SUSD1: variants seen among roughly 807,000 people sequenced by gnomAD.
SUSD1 encodes sushi domain containing 1, also known as sushi domain-containing protein 1.
In SUSD1, 65 loss-of-function variants were observed where a neutral mutation model predicts 86.9. The observed-to-expected ratio is 0.75, with a 90% CI of 0.61 to 0.92. SUSD1 has a LOEUF of 0.92. Among genes scored for constraint, SUSD1 ranks in the 40% least tolerant of loss-of-function variants. SUSD1 has a pLI of 0.00. For synonymous variants in SUSD1, 346 were observed against 350.0 expected (o/e 0.99, Z 0.13); for missense variants, 850 against 929.7 (o/e 0.91, Z 1.11).
chr9:112,137,426 CAGATGATGGCTAATTTTCA>C (rs1832313140), intron 5 of SUSD1, among the ~76,000 whole-genome samples: 1 of 152,162 alleles, frequency 6.6e-6, no homozygotes, highest in Non-Finnish European at 1.5e-5. Flanking sequence ...TCTAATAATC[CAGATGATGGCTAATTTTCA>C]AGGCAATCTA....
intron 1 of SUSD1, among the ~76,000 whole-genome samples, chr9:112,165,119 C>T (rs527526517): frequency 2.0e-5 from 3 of 152,260 alleles, no homozygotes; most frequent in Non-Finnish European, 2.9e-5. Flanking sequence ...CCCCGAAAGT[C>T]CTTTCTCCCT....
At chr9:112,067,039 GC>G (rs1265293278) in intron 12 of SUSD1, among the ~76,000 whole-genome samples, 1 of 152,082 alleles carries the variant, frequency 6.6e-6, no homozygotes, top group Non-Finnish European at 1.5e-5. Context: ...ACCATGCACA[GC>G]TAATTTTTGT....
chr9:112,097,395 C>CTTTT (rs764568520), intron 10 of SUSD1, among the ~76,000 whole-genome samples: 3 of 103,242 alleles, frequency 2.9e-5, no homozygotes, highest in African/African-American at 7.7e-5. Flanking sequence ...ATTTCAGAGT[C>CTTTT]TTTTTTTTTT....
At chr9:112,056,517 A>G (rs1828456418) in intron 14 of SUSD1, among the ~76,000 whole-genome samples, 1 of 152,232 alleles carries the variant, frequency 6.6e-6, no homozygotes, top group South Asian at 2.1e-4. Context: ...TTTTATTGTA[A>G]TTGTCACACA....
chr9:112,123,066 CT>C (rs1168869602), intron 6 of SUSD1, among the ~76,000 whole-genome samples: 1 of 152,166 alleles, frequency 6.6e-6, no homozygotes, highest in Non-Finnish European at 1.5e-5. Context: ...ATAAACACTA[CT>C]GAACTGCACA....
At chr9:112,149,100 A>C in intron 3 of SUSD1, 144 bp downstream of exon 3, 6 of 1,206,612 alleles carry the variant, frequency 5.0e-6, no homozygotes, top group Non-Finnish European at 7.0e-6. Context: ...GCATCTCCCA[A>C]AATAAGAATA....
At chr9:112,165,857 G>GAAAGAGAAAGA (rs879435864) in intron 1 of SUSD1, among the ~76,000 whole-genome samples, 23,113 of 139,542 alleles carry the variant, frequency 0.17, 2,346 homozygotes, top group East Asian at 0.28. Context: ...AGAAAGAGAA[G>GAAAGAGAAAGA]GAAGGAAGGA....
chr9:112,051,358 G>A (rs1828184388), intron 15 of SUSD1, among the ~76,000 whole-genome samples: 1 of 150,940 alleles, frequency 6.6e-6, no homozygotes, highest in African/African-American at 2.4e-5. Context: ...TTCCATGTGG[G>A]ATCATGCATA....
intron 14 of SUSD1, among the ~76,000 whole-genome samples, chr9:112,053,845 T>A (rs1828331869): frequency 6.6e-6 from 1 of 152,122 alleles, no homozygotes; most frequent in South Asian, 2.1e-4. Flanking sequence ...ACGGGTAGAA[T>A]AAGAGACAGA....
chr9:112,069,739 T>C (rs1829174626), intron 12 of SUSD1, among the ~76,000 whole-genome samples: 2 of 120,934 alleles, frequency 1.7e-5, no homozygotes, highest in South Asian at 5.7e-4. Context: ...TTCTAGTTCC[T>C]CTAATCTCTT....
At chr9:112,136,613 C>T (rs1009860191) in intron 5 of SUSD1, among the ~76,000 whole-genome samples, 2 of 152,170 alleles carry the variant, frequency 1.3e-5, no homozygotes, top group African/African-American at 2.4e-5. Flanking sequence ...TGCTCTCACT[C>T]GCTCCTCCCT....
intron 13 of SUSD1, among the ~76,000 whole-genome samples, chr9:112,062,631 G>A (rs749115017): frequency 3.9e-5 from 6 of 152,142 alleles, no homozygotes; most frequent in Non-Finnish European, 8.8e-5. Flanking sequence ...GCAGGTGGAG[G>A]TTGCAGTGAG....
intron 1 of SUSD1, among the ~76,000 whole-genome samples, chr9:112,174,841 C>T (rs1834199105): frequency 6.6e-6 from 1 of 151,966 alleles, no homozygotes; most frequent in African/African-American, 2.4e-5. Context: ...CAGCCCCCAC[C>T]CCGCCTCCTG....
chr9:112,098,472 G>C lies in SUSD1; in HGVS notation c.1472C>G (p.Ala491Gly). 6.2e-7 allele frequency: 1 copy of C among 1,613,990 alleles called. No homozygotes were observed. The highest frequency in any genetic ancestry group is 8.5e-7 in the Non-Finnish European group (1 of 1,179,912). ...SVQITIATPP[A>G]VKQTISNISG... is the part of the protein sequence containing the mutation. ...AAAAGAAAGACGTCTACACCCACCT[G>C]CTGGGGGAGTTGCTATTGTTATTTG... The change falls in exon 10 of 17, where the codon GCA becomes GGA. Residue 491 changes from alanine to glycine, a missense_variant and splice_region_variant. Transcript: ENST00000374270.
intron 10 of SUSD1, among the ~76,000 whole-genome samples, chr9:112,092,022 C>A (rs1406957156): frequency 1.3e-5 from 2 of 152,202 alleles, no homozygotes; most frequent in Non-Finnish European, 2.9e-5. Flanking sequence ...GGCCAGCGTT[C>A]AATTCAAGCA....
chr9:112,102,218 C>A lies in SUSD1; in HGVS notation c.1239G>T (p.Leu413Phe), dbSNP rs1830661985. The A allele has an allele frequency of 6.2e-7, 1 of 1,602,864 alleles. No homozygotes were observed. Among genetic ancestry groups the A allele is most frequent in the African/African-American group, 1.3e-5 (1 of 74,248 alleles). Residue 413 changes from leucine (L) to phenylalanine (F), a missense_variant, in exon 9 of 17, where the codon TTG becomes TTT. By Grantham distance (22) the Leu-to-Phe change is conservative (BLOSUM62 0). Transcript: ENST00000374270. The stretch of plus-strand genomic sequence containing the variant: ...ATCCAACTTTCCTAGAACGCCTGTT[C>A]AATTTCAAACAAGTTTCATTAAATA... ...ISIFNETCLK[L>F]NRRSRKVGSE...
At position 112,041,452 on chromosome 9, in the gene SUSD1, C is replaced by T. The variant is rs772407732; in HGVS notation, c.*40G>A. ...CTGAGAAGCTGCCAGAACACCTGCC[C>T]AGCAGCAGTGCATCCTCCCCACTCA... On this transcript the variant is annotated 3_prime_UTR_variant, in exon 17 of 17. Transcript: ENST00000374270. The T allele has an allele frequency of 1.3e-6, 1 of 780,994 alleles. No homozygotes were observed. The highest frequency in any genetic ancestry group is 1.3e-5 in the South Asian group (1 of 74,608). 48.4% of individuals were successfully genotyped at this position (780,994 alleles called of 1,614,324 possible). A position where few individuals can be genotyped will look rare whatever the true frequency, so the allele number is the denominator to read the frequency against.
At chr9:112,043,925 C>A (rs1418798565) in intron 15 of SUSD1, among the ~76,000 whole-genome samples, 1 of 152,134 alleles carries the variant, frequency 6.6e-6, no homozygotes, top group Non-Finnish European at 1.5e-5. Flanking sequence ...CCCAGTCTCC[C>A]TAGTAGCTGG....
rs1828553680 is a variant in SUSD1 at position 112,058,504 on chromosome 9, C to T, written c.2033G>A (p.Gly678Glu). The change falls in exon 14 of 17, where the codon GGG becomes GAG. Residue 678 changes from glycine to glutamate, a missense_variant. Physicochemically the swap from Gly to Glu is moderately conservative, Grantham distance 98. Transcript: ENST00000374270. ...EIPIGDRLYYGEYYNAPLKRG... is the reference protein window; with the variant it reads ...EIPIGDRLYYEEYYNAPLKRG... ...TTTCAAGGGTGCATTATAATATTCCCCATAGTACAGCCTGTCTCCTATAGG... is the reference window on the plus strand; with the variant it reads ...TTTCAAGGGTGCATTATAATATTCCTCATAGTACAGCCTGTCTCCTATAGG... The T allele has an allele frequency of 6.2e-7, 1 of 1,614,026 alleles. No homozygotes were observed. The highest frequency in any genetic ancestry group is 1.1e-5 in the South Asian group (1 of 91,094).
Sources: gnomAD v4.1 joint callset for allele counts (sites outside exome capture counted in the v4.1 genomes callset) on GRCh38, gnomAD v4.1.1 for gene constraint, MANE v1.5 for transcripts, NCBI Gene and HGNC (gene_info 2026-07-23, HGNC 2026-07-21) for gene names.